RIN3: variants seen among roughly 807,000 people sequenced by gnomAD.
The protein encoded by RIN3 is RAB5 interacting protein 3.
RIN3 carries 54 observed loss-of-function variants against 76.3 expected under a neutral mutation model. The ratio of observed to expected loss-of-function variants is 0.71; its 90% CI spans 0.57 to 0.89. The LOEUF (loss-of-function observed/expected upper bound fraction) is 0.89. RIN3 is among the 40% of genes least tolerant of loss of function. RIN3 has a pLI of 0.00. For missense variants in RIN3, 1,256 were observed against 1,322.1 expected (o/e 0.95, Z 0.78); for synonymous variants, 576 against 564.0 (o/e 1.02, Z -0.30).
At chr14:92,631,039 A>G (rs1018434647) in intron 4 of RIN3, among the ~76,000 whole-genome samples, 2 of 152,202 alleles carry the variant, frequency 1.3e-5, no homozygotes, top group African/African-American at 4.8e-5. Context: ...CCAGAGGCAT[A>G]TCATGTGCCT....
At chr14:92,642,119 T>TTTC (rs1566881963) in intron 5 of RIN3, among the ~76,000 whole-genome samples, 2 of 151,716 alleles carry the variant, frequency 1.3e-5, no homozygotes, top group African/African-American at 4.8e-5. Context: ...TTCTTTTTTT[T>TTTC]TTGAAACAGG....
At chr14:92,530,247 ATGCACTATCCCTCCAGTC>A (rs1280760525) in intron 1 of RIN3, among the ~76,000 whole-genome samples, 1 of 152,224 alleles carries the variant, frequency 6.6e-6, no homozygotes, top group East Asian at 1.9e-4. Flanking sequence ...TCCTTGGGAT[ATGCACTATCCCTCCAGTC>A]TTGGGGCCTT....
Position 92,651,960 on chromosome 14 carries a change from C to T in RIN3, c.911C>T (p.Ala304Val), listed in dbSNP as rs1248742506. The T allele has an allele frequency of 1.9e-5, 23 of 1,224,610 alleles. No individual in the cohort carries two copies. The highest frequency in any genetic ancestry group is 3.3e-5 in the African/African-American group (2 of 60,836). 75.9% of individuals were successfully genotyped at this position (1,224,610 alleles called of 1,614,324 possible). The change falls in exon 6 of 10, where the codon GCC (alanine) becomes GTC (valine). Residue 304 changes from alanine (A) to valine (V), a missense_variant. By Grantham distance (64) the Ala-to-Val change is moderately conservative. Transcript: ENST00000216487. ...CAGCCCCCTGTGCTCCCTGCTCTTGCCCCCGCCCCTGCCTGTCCTTTGCCC... is the reference window on the plus strand; with the variant it reads ...CAGCCCCCTGTGCTCCCTGCTCTTGTCCCCGCCCCTGCCTGTCCTTTGCCC... Reference protein sequence around the residue: ...PAQPPVLPALAPAPACPLPTS... With the variant: ...PAQPPVLPALVPAPACPLPTS...
intron 3 of RIN3, among the ~76,000 whole-genome samples, chr14:92,593,469 A>T (rs1386150177): frequency 6.6e-6 from 1 of 150,632 alleles, no homozygotes; most frequent in African/African-American, 2.4e-5. Context: ...CAGTAAATGG[A>T]TGGAGAAAGG....
rs1251331157 is a variant in RIN3, at chr14:92,568,871, C to T, written c.250-8489C>T. ...GCAGAGTCCAACCTTGGGGACTTTCCAGCCCTGTCGACAAGCTGTGTAGAT... is the reference window on the plus strand; with the variant it reads ...GCAGAGTCCAACCTTGGGGACTTTCTAGCCCTGTCGACAAGCTGTGTAGAT... On this transcript the variant is annotated intron_variant, in intron 2 of 9. Coordinates refer to ENST00000216487, the MANE Select transcript of RIN3 (RefSeq NM_024832.5). This position sits in a 1 kb window ranked among gnomAD's most constrained non-coding sequence, Gnocchi z 4.2. Among the ~76,000 whole-genome samples, 1 of 152,230 alleles carries T rather than the reference C, an allele frequency of 6.6e-6. No homozygotes were observed. The highest frequency in any genetic ancestry group is 2.4e-5 in the African/African-American group (1 of 41,464).
At chr14:92,622,965 A>C (rs1886237331) in intron 4 of RIN3, among the ~76,000 whole-genome samples, 1 of 152,250 alleles carries the variant, frequency 6.6e-6, no homozygotes, top group South Asian at 2.1e-4. Context: ...TTACTATAGG[A>C]TTGGGAAGAA....
rs146290754 is a variant in RIN3 at position 92,553,734 on chromosome 14, G to A, written c.45-2017G>A. 4.6e-3 allele frequency among the ~76,000 whole-genome samples: 701 copies of A among 152,198 alleles called. 8 individuals carry two copies. The highest frequency in any genetic ancestry group is 0.016 in the African/African-American group (678 of 41,506). On this transcript the variant is annotated intron_variant, in intron 1 of 9. Transcript: ENST00000216487. ...GGATGTGGGAGGGAATTTTCTCCCCGGGTACAGACTTCACACTGACCTTGA... is the reference window on the plus strand; with the variant it reads ...GGATGTGGGAGGGAATTTTCTCCCCAGGTACAGACTTCACACTGACCTTGA...
chr14:92,599,871 A>C (rs1885283335), intron 3 of RIN3, among the ~76,000 whole-genome samples: 1 of 152,210 alleles, frequency 6.6e-6, no homozygotes, highest in Non-Finnish European at 1.5e-5. Context: ...GATTTGAGTT[A>C]GATGACCAGC....
intron 1 of RIN3, among the ~76,000 whole-genome samples, chr14:92,544,054 A>C (rs1406494429): frequency 6.6e-6 from 1 of 152,104 alleles, no homozygotes; most frequent in Non-Finnish European, 1.5e-5. Context: ...CCATTTGCTA[A>C]AAGTCAGCTG....
intron 3 of RIN3, among the ~76,000 whole-genome samples, chr14:92,581,259 A>G (rs985870912): frequency 2.0e-5 from 3 of 152,206 alleles, no homozygotes; most frequent in Admixed American, 6.5e-5. Context: ...AGAGAGGACC[A>G]TCACCTATCT....
intron 1 of RIN3, among the ~76,000 whole-genome samples, chr14:92,530,522 C>A (rs1896856450): frequency 6.6e-6 from 1 of 152,112 alleles, no homozygotes; most frequent in African/African-American, 2.4e-5. Context: ...TTTTGTTTAT[C>A]AGTTAATAGT....
chr14:92,583,188 C>T (rs953063010), intron 3 of RIN3, among the ~76,000 whole-genome samples: 1 of 152,164 alleles, frequency 6.6e-6, no homozygotes, highest in Admixed American at 6.5e-5. Context: ...AAGGCCCAGG[C>T]CTGGAACTGG....
At chr14:92,583,470 A>C (rs143784295) in intron 3 of RIN3, among the ~76,000 whole-genome samples, 2 of 152,390 alleles carry the variant, frequency 1.3e-5, no homozygotes, top group East Asian at 3.9e-4. Flanking sequence ...GGGTGTGTAC[A>C]CAAAGTAAAA....
At position 92,643,467 on chromosome 14, in the gene RIN3, ATGT is replaced by A. The variant is rs1887087976; in HGVS notation, c.532+2140_532+2142del. Among the ~76,000 whole-genome samples the A allele has an allele frequency of 7.9e-5, 12 of 152,310 alleles. 1 individual carries two copies. In the South Asian group the frequency reaches 2.5e-3, roughly 32 times the overall value. Reference sequence around the variant, plus strand: ...TTGCTATTAAACTTTGCTTCCCAGAATGTTAGTTGTTGGGCTCCAACCCTCCCA... The same window carrying A: ...TTGCTATTAAACTTTGCTTCCCAGAATAGTTGTTGGGCTCCAACCCTCCCA... On this transcript the variant is annotated intron_variant, in intron 5 of 9. Transcript: ENST00000216487. The surrounding 1 kb of genome is among the most constrained non-coding windows in gnomAD (Gnocchi z 4.8).
chr14:92,538,650 C>A (rs1897065038), intron 1 of RIN3, among the ~76,000 whole-genome samples: 1 of 152,172 alleles, frequency 6.6e-6, no homozygotes, highest in Non-Finnish European at 1.5e-5. Context: ...AGGGAAATGG[C>A]CTACACTGTG....
intron 3 of RIN3, among the ~76,000 whole-genome samples, chr14:92,609,491 T>A (rs1566866181): frequency 6.6e-6 from 1 of 152,192 alleles, no homozygotes; most frequent in Non-Finnish European, 1.5e-5. Flanking sequence ...TATGGGAGAA[T>A]GTACTCAGCG....
At chr14:92,546,176 C>T (rs1019507826) in intron 1 of RIN3, among the ~76,000 whole-genome samples, 14 of 152,102 alleles carry the variant, frequency 9.2e-5, no homozygotes, top group Admixed American at 2.0e-4. Flanking sequence ...CCACCTACCT[C>T]GGCTTCCCAA....
At chr14:92,549,189 T>A (rs1177888585) in intron 1 of RIN3, among the ~76,000 whole-genome samples, 1 of 152,170 alleles carries the variant, frequency 6.6e-6, no homozygotes, top group Non-Finnish European at 1.5e-5. Context: ...TTGTTGAAGC[T>A]GGGAGGCCAC....
In RIN3 at chr14:92,659,165, A is replaced by G. The variant is rs1364329997; in HGVS notation, c.2031A>G (p.Ala677=). ...CGCTCTCTTGTTTACCTGCAGAAGC[A>G]ATTGTAGAGTCTGCCTTGTACAAAT... is the stretch of plus-strand genomic sequence containing the variant. The part of the protein sequence containing the change: ...PALHSEEELE[A]IVESALYKCV... Residue 677 remains alanine (A), a synonymous_variant, in exon 7 of 10, where the codon GCA becomes GCG. Transcript: ENST00000216487. 3.1e-6 allele frequency: 5 copies of G among 1,613,872 alleles called. No individual in the cohort carries two copies. In the African/African-American group the frequency reaches 6.7e-5, roughly 22 times the overall value.
Sources: gnomAD v4.1 joint callset for allele counts (sites outside exome capture counted in the v4.1 genomes callset) on GRCh38, gnomAD v4.1.1 for gene constraint, Gnocchi (gnomAD v3.1) non-coding constraint, MANE v1.5 for transcripts, NCBI Gene and HGNC (gene_info 2026-07-23, HGNC 2026-07-21) for gene names.